The following POSTN variants were observed in gnomAD, a reference collection of about 807,000 sequenced individuals.
POSTN encodes the protein osteoblast specific factor 2 (fasciclin I-like).
In POSTN, 71 loss-of-function variants were observed where a neutral mutation model predicts 104.5. The observed-to-expected ratio is 0.68, with a 90% CI of 0.56 to 0.83. The LOEUF is 0.83. Among genes scored for constraint, POSTN ranks in the 40% least tolerant of loss-of-function variants. The pLI, the probability that POSTN is intolerant of heterozygous loss-of-function variation, is 0.00. For missense variants in POSTN, 949 were observed against 1,006.8 expected (o/e 0.94, Z 0.78); for synonymous variants, 355 against 340.7 (o/e 1.04, Z -0.46).
At chr13:37,577,924 G>T (rs1179174645) in intron 15 of POSTN, 126 bp from the exon 16 acceptor site, 1 of 1,441,196 alleles carries the variant, frequency 6.9e-7, no homozygotes, top group African/African-American at 1.4e-5. Flanking sequence ...TAGAAGTGAA[G>T]TCCTCATATA....
chr13:37,585,354 A>G (rs1423976381), intron 7 of POSTN, among the ~76,000 whole-genome samples: 1 of 147,900 alleles, frequency 6.8e-6, no homozygotes. Context: ...CCATGATGAG[A>G]AACACAGCAA....
At chr13:37,586,362 T>G (rs1950745786) in intron 6 of POSTN, 82 bp from the exon 7 acceptor site, 2 of 1,402,248 alleles carry the variant, frequency 1.4e-6, no homozygotes, top group Admixed American at 2.2e-5. Context: ...TAGGCTGACA[T>G]GAAGGAGCTG....
Position 37,579,845 on chromosome 13 carries a change from A to G in POSTN, c.1660+16T>C. 6.2e-7 allele frequency: 1 copy of G among 1,605,834 alleles called. No homozygotes were observed. Among genetic ancestry groups the G allele is most frequent in the Non-Finnish European group, 8.5e-7 (1 of 1,176,518 alleles). ...TGAAATGAAAGGGAAAATATCTGGAATTCACTTCCACTTACGTATCAGAAT... is the reference window on the plus strand; with the variant it reads ...TGAAATGAAAGGGAAAATATCTGGAGTTCACTTCCACTTACGTATCAGAAT... On this transcript the variant is annotated intron_variant, in intron 12 of 22. Coordinates refer to ENST00000379747, the MANE Select transcript of POSTN (RefSeq NM_006475.3).
In POSTN at chr13:37,580,597, G is replaced by C; in HGVS notation, c.1493C>G (p.Ser498Cys). The C allele has an allele frequency of 1.2e-6, 2 of 1,614,074 alleles. No individual in the cohort carries two copies. The highest frequency in any genetic ancestry group is 1.7e-6 in the Non-Finnish European group (2 of 1,179,998). ...ATCTTGTTTTAACTTTTCATGGAGG[G>C]ATTTCTCTGCTGGCTTGATGATCTC... ...FREIIKPAEK[S>C]LHEKLKQDKR... Residue 498 changes from serine (S) to cysteine (C), a missense_variant, in exon 11 of 23, where the codon TCC (serine) becomes TGC (cysteine). Transcript: ENST00000379747.
At position 37,598,602 on chromosome 13, in the gene POSTN, A is replaced by G; in HGVS notation, c.119+6T>C. The G allele has an allele frequency of 6.2e-7, 1 of 1,607,142 alleles. No individual in the cohort carries two copies. The highest frequency in any genetic ancestry group is 1.3e-5 in the African/African-American group (1 of 74,944). ...AATGGTTTATAAAACCAAACCACTC[A>G]CTTACCCTTGGTCCCGACCCCTGAT... On this transcript the variant is annotated splice_donor_region_variant and intron_variant, in intron 1 of 22. Coordinates refer to ENST00000379747, the MANE Select transcript of POSTN (RefSeq NM_006475.3).
Position 37,584,872 on chromosome 13 carries a change from C to G in POSTN, c.952G>C (p.Gly318Arg). ...CCTTCCAGCGTCTCAAAGACTGCTC[C>G]TCCCATAATAGACTCAGAACACTGG... Reference protein sequence around the residue: ...TLQCSESIMGGAVFETLEGNT... With the variant: ...TLQCSESIMGRAVFETLEGNT... The change falls in exon 8 of 23, where the codon GGA becomes CGA. Residue 318 changes from glycine (G) to arginine (R), a missense_variant. Coordinates refer to ENST00000379747, the MANE Select transcript of POSTN (RefSeq NM_006475.3). 2.5e-6 allele frequency: 4 copies of G among 1,613,876 alleles called. No homozygotes were observed. The highest frequency in any genetic ancestry group is 3.4e-6 in the Non-Finnish European group (4 of 1,179,934).
rs1416809475 is a variant in POSTN at position 37,579,973 on chromosome 13, A to T, written c.1548T>A (p.Leu516=). The T allele has an allele frequency of 6.2e-7, 1 of 1,613,540 alleles. No homozygotes were observed. Among genetic ancestry groups the T allele is most frequent in the South Asian group, 1.1e-5 (1 of 91,034 alleles). ...DKRFSTFLSL[L]EAADLKELLT... ...GGAGCTCTTTCAAGTCTGCAGCTTC[A>T]AGTAGGCTGAGGAAGGTGCTAAGTG... Residue 516 remains leucine (L), a synonymous_variant, in exon 12 of 23, where the codon CTT becomes CTA. Transcript: ENST00000379747.
chr13:37,580,029 A>C (rs756148612), intron 11 of POSTN, 38 bp from the exon 12 acceptor site: 11 of 1,588,506 alleles, frequency 6.9e-6, no homozygotes, highest in African/African-American at 1.3e-5. Context: ...TGTCAGATTT[A>C]GATTTAGGTA....
chr13:37,580,495 C>G lies in POSTN; in HGVS notation c.1529+66G>C, dbSNP rs916157896. The G allele has an allele frequency of 7.0e-6, 11 of 1,565,278 alleles. No homozygotes were observed. In the African/African-American group the frequency reaches 1.4e-4, roughly 19 times the overall value. ...AGGAGACTGAATGCCTTTTGGGATA[C>G]CGCCTATGAAACAAAAATATGCCAA... On this transcript the variant is annotated intron_variant, in intron 11 of 22. Coordinates refer to ENST00000379747, the MANE Select transcript of POSTN (RefSeq NM_006475.3).
intron 5 of POSTN, 108 bp downstream of exon 5, chr13:37,587,714 C>A (rs998165465): frequency 7.5e-6 from 7 of 928,178 alleles, no homozygotes; most frequent in African/African-American, 1.7e-5. Context: ...ATAGCACTTA[C>A]CTTATTCTCA....
chr13:37,564,483 G>C, intron 22 of POSTN, 36 bp downstream of exon 22: 1 of 1,236,874 alleles, frequency 8.1e-7, no homozygotes, highest in Non-Finnish European at 1.2e-6. Flanking sequence ...AACAAAAGAG[G>C]CCATATACAC....
chr13:37,569,275 G>A, intron 21 of POSTN, 25 bp downstream of exon 21: 1 of 1,546,798 alleles, frequency 6.5e-7, no homozygotes, highest in Non-Finnish European at 8.9e-7. Flanking sequence ...CTGTTAAGGG[G>A]GTTAGTTGTT....
rs1481107857 is a variant in POSTN, at chr13:37,582,542, A to G, written c.1244-28T>C. 5 of 1,561,186 alleles carry G rather than the reference A, an allele frequency of 3.2e-6. No homozygotes were observed. In the Admixed American group the frequency reaches 5.9e-5, roughly 19 times the overall value. On this transcript the variant is annotated intron_variant, in intron 9 of 22. Coordinates refer to ENST00000379747, the MANE Select transcript of POSTN (RefSeq NM_006475.3). ...GTAAATAAATTCATTAAGAAAGAGC[A>G]TTATTTTATTTAGAAAACATTGAAG...
chr13:37,571,450 G>T lies in POSTN; in HGVS notation c.2098C>A (p.Leu700Ile). The T allele has an allele frequency of 6.2e-7, 1 of 1,602,174 alleles. No individual in the cohort carries two copies. Among genetic ancestry groups the T allele is most frequent in the Non-Finnish European group, 8.5e-7 (1 of 1,169,832 alleles). ...QPIIKTEGPT[L>I]TKVKIEGEPE... ...TCACCTTCAATTTTGACTTTTGTTA[G>T]TGTGGGTCCTGGGACATTATTTTAG... Residue 700 changes from leucine to isoleucine, a missense_variant, in exon 18 of 23, where the codon CTA becomes ATA. Leu to Ile is a conservative substitution (Grantham distance 5, BLOSUM62 2). Coordinates refer to ENST00000379747, the MANE Select transcript of POSTN (RefSeq NM_006475.3).
intron 2 of POSTN, among the ~76,000 whole-genome samples, chr13:37,596,616 G>C (rs983190436): frequency 3.9e-5 from 6 of 152,100 alleles, no homozygotes; most frequent in Non-Finnish European, 8.8e-5. Context: ...TGGACCTCTG[G>C]GGATGGAGCA....
intron 21 of POSTN, among the ~76,000 whole-genome samples, chr13:37,566,324 G>A (rs1288495383): frequency 1.3e-5 from 2 of 152,048 alleles, no homozygotes; most frequent in East Asian, 3.9e-4. Context: ...CAATTATTTT[G>A]ACATTTTATT....
intron 6 of POSTN, 57 bp from the exon 7 acceptor site, chr13:37,586,337 G>T: frequency 6.5e-7 from 1 of 1,547,854 alleles, no homozygotes; most frequent in Non-Finnish European, 8.8e-7. Context: ...GAAAAAGATT[G>T]CAACACACTT....
At chr13:37,598,047 T>C (rs139151936) in intron 1 of POSTN, among the ~76,000 whole-genome samples, 608 of 152,308 alleles carry the variant, frequency 4.0e-3, no homozygotes, top group African/African-American at 0.014. Context: ...AAATGCTTAG[T>C]TGTAGTTGCA....
chr13:37,564,387 A>G (rs1224171038), intron 22 of POSTN, 132 bp downstream of exon 22: 2 of 583,598 alleles, frequency 3.4e-6, no homozygotes, highest in East Asian at 5.7e-5. Flanking sequence ...GTTTTCATCA[A>G]AACTGGCTAG....
Sources: allele counts gnomAD v4.1 joint callset (sites outside exome capture counted in the v4.1 genomes callset), GRCh38; gene constraint gnomAD v4.1.1; transcripts MANE v1.5; gene names NCBI Gene and HGNC (gene_info 2026-07-23, HGNC 2026-07-21).